Variants in RAPGEF1 observed in about 807,000 individuals in gnomAD.
RAPGEF1 encodes the protein CRK SH3-binding GNRP.
In RAPGEF1, 33 loss-of-function variants were observed where a neutral mutation model predicts 143.3. That is an observed-to-expected ratio of 0.23 (90% confidence interval 0.17 to 0.31). The LOEUF is 0.31. Ranked by LOEUF, RAPGEF1 falls within the 10% of genes least tolerant of loss-of-function variation. The pLI, the probability that RAPGEF1 is intolerant of heterozygous loss-of-function variation, is 1.00. For missense variants in RAPGEF1, 1,199 were observed against 1,645.4 expected, an observed-to-expected ratio of 0.73 and a Z score of 4.69; for synonymous variants, 629 against 676.5, an observed-to-expected ratio of 0.93 and a Z score of 1.09.
chr9:131,628,504 C>A lies in RAPGEF1; in HGVS notation c.1017+45G>T, dbSNP rs774603948. 1.9e-6 allele frequency: 3 copies of A among 1,600,324 alleles called. No individual in the cohort carries two copies. Among genetic ancestry groups the A allele is most frequent in the African/African-American group, 1.3e-5 (1 of 74,658 alleles). ...TCAGGAGCCACATCCCTGAGCCCCC[C>A]ACCCCCTCCCTGCCTTCCCATGCAG... is the stretch of plus-strand genomic sequence containing the variant. On this transcript the variant is annotated intron_variant, in intron 8 of 26. Transcript: ENST00000683357. This position sits in a 1 kb window ranked among gnomAD's most constrained non-coding sequence, Gnocchi z 5.7.
In RAPGEF1 at chr9:131,621,836, A is replaced by G. The variant is rs955462283; in HGVS notation, c.1865T>C (p.Leu622Pro). Residue 622 changes from leucine (L) to proline (P), a missense_variant, in exon 11 of 27, where the codon CTG becomes CCG. Transcript: ENST00000683357. This position sits in a 1 kb window ranked among gnomAD's most constrained non-coding sequence, Gnocchi z 4.5. Reference protein sequence around the residue: ...SFSGVDSVQELAPPPALPPKQ... With the variant: ...SFSGVDSVQEPAPPPALPPKQ... ...GGGGGGTAGGGCGGGCGGCGGGGCC[A>G]GCTCCTGCACGGAGTCCACCCCACT... 1.2e-6 allele frequency: 2 copies of G among 1,610,926 alleles called. No individual in the cohort carries two copies. Among genetic ancestry groups the G allele is most frequent in the Non-Finnish European group, 1.7e-6 (2 of 1,178,696 alleles).
chr9:131,672,812 AAG>A (rs540359236), intron 1 of RAPGEF1, among the ~76,000 whole-genome samples: 114 of 152,308 alleles, frequency 7.5e-4, no homozygotes, highest in African/African-American at 2.5e-3. Context: ...CGTGTAGGGT[AAG>A]AGGGGGTGAC....
intron 16 of RAPGEF1, 65 bp from the exon 17 acceptor site, chr9:131,596,438 A>G: frequency 6.6e-7 from 1 of 1,510,108 alleles, no homozygotes; most frequent in Non-Finnish European, 9.2e-7. Flanking sequence ...CAGTTTAGGA[A>G]GAAACAGGCA....
Position 131,598,326 on chromosome 9 carries a change from G to C in RAPGEF1, c.2502-16C>G. On this transcript the variant is annotated splice_polypyrimidine_tract_variant and intron_variant, in intron 15 of 26. Transcript: ENST00000683357. ...CTTTGGGGCCCTGCGGGGAGAAGTG[G>C]TTTGTGTTGCAAGTGTCAAACCGGC... 6.2e-7 allele frequency: 1 copy of C among 1,608,480 alleles called. No homozygotes were observed. The highest frequency in any genetic ancestry group is 8.5e-7 in the Non-Finnish European group (1 of 1,176,030).
intron 5 of RAPGEF1, among the ~76,000 whole-genome samples, chr9:131,632,739 C>T (rs946623446): frequency 1.3e-5 from 2 of 152,128 alleles, no homozygotes; most frequent in Non-Finnish European, 2.9e-5. Flanking sequence ...AGGTGATATG[C>T]TGGTTTATAT....
Position 131,628,580 on chromosome 9 carries a change from C to A in RAPGEF1, c.986G>T (p.Gly329Val). 1.2e-6 allele frequency: 2 copies of A among 1,613,098 alleles called. No homozygotes were observed. The highest frequency in any genetic ancestry group is 1.7e-6 in the Non-Finnish European group (2 of 1,179,100). ...VVAPMSRATSGSSLPVGINRQ... is the reference protein window; with the variant it reads ...VVAPMSRATSVSSLPVGINRQ... ...ATTGATTCCAACAGGCAAACTGGAGCCACTGGTGGCTCGGCTCATGGGGGC... is the reference window on the plus strand; with the variant it reads ...ATTGATTCCAACAGGCAAACTGGAGACACTGGTGGCTCGGCTCATGGGGGC... The change falls in exon 8 of 27, where the codon GGC becomes GTC. Residue 329 changes from glycine to valine, a missense_variant. Gly to Val is a moderately radical substitution (Grantham distance 109, BLOSUM62 -3). This residue lies in a region of RAPGEF1 where 613 missense variants were observed against 710.9 expected (regional missense o/e 0.86). Transcript: ENST00000683357. The surrounding 1 kb of genome is among the most constrained non-coding windows in gnomAD (Gnocchi z 5.7).
chr9:131,681,363 G>A (rs1832894411), intron 1 of RAPGEF1, among the ~76,000 whole-genome samples: 1 of 152,160 alleles, frequency 6.6e-6, no homozygotes, highest in Admixed American at 6.5e-5. Flanking sequence ...ACGAGGGAGT[G>A]ATTTAGAGGC....
chr9:131,667,049 G>C lies in RAPGEF1; in HGVS notation c.62-16100C>G, dbSNP rs1387792171. 2.6e-5 allele frequency among the ~76,000 whole-genome samples: 4 copies of C among 152,070 alleles called. No homozygotes were observed. Among genetic ancestry groups the C allele is most frequent in the Non-Finnish European group, 5.9e-5 (4 of 68,016 alleles). On this transcript the variant is annotated intron_variant, in intron 1 of 26. Transcript: ENST00000683357. This position sits in a 1 kb window ranked among gnomAD's most constrained non-coding sequence, Gnocchi z 4.6. ...TCTGTCACCCAGGCGGAGTGCAGTG[G>C]CACGAACTCGGCTCACTGCCATCTC... is the stretch of plus-strand genomic sequence containing the variant.
At chr9:131,661,933 C>G (rs540641775) in intron 1 of RAPGEF1, among the ~76,000 whole-genome samples, 11 of 152,272 alleles carry the variant, frequency 7.2e-5, no homozygotes, top group Non-Finnish European at 1.3e-4. Flanking sequence ...AATCTCTTCT[C>G]CCTTACTGTA....
At chr9:131,627,553 C>G (rs973987070) in intron 9 of RAPGEF1, among the ~76,000 whole-genome samples, 1 of 152,212 alleles carries the variant, frequency 6.6e-6, no homozygotes, top group Non-Finnish European at 1.5e-5. Flanking sequence ...GCTCCCTCCC[C>G]TTCAGCCTCT....
chr9:131,582,720 G>C lies in RAPGEF1; in HGVS notation c.3415-18C>G. Reference sequence around the variant, plus strand: ...GCCAGGCCCTGGCAGGACAGGACAGGACAGGACCGGACAGGGGTGAGCGAG... The same window carrying C: ...GCCAGGCCCTGGCAGGACAGGACAGCACAGGACCGGACAGGGGTGAGCGAG... On this transcript the variant is annotated intron_variant, in intron 24 of 26. Coordinates refer to ENST00000683357, the MANE Select transcript of RAPGEF1 (RefSeq NM_001377935.1). The C allele has an allele frequency of 6.4e-7, 1 of 1,551,328 alleles. No homozygotes were observed. Among genetic ancestry groups the C allele is most frequent in the Non-Finnish European group, 8.7e-7 (1 of 1,151,246 alleles).
intron 3 of RAPGEF1, among the ~76,000 whole-genome samples, chr9:131,648,561 C>T (rs543187774): frequency 2.5e-4 from 38 of 152,326 alleles, no homozygotes; most frequent in African/African-American, 9.1e-4. Context: ...CAATTACACT[C>T]TACTTGTAGT....
chr9:131,686,357 A>G (rs977301557), intron 1 of RAPGEF1, among the ~76,000 whole-genome samples: 10 of 152,228 alleles, frequency 6.6e-5, no homozygotes, highest in Admixed American at 5.2e-4. Flanking sequence ...TTCTGTTCCA[A>G]TGCTGAAGAC....
rs536383127 is a variant in RAPGEF1 at position 131,588,706 on chromosome 9, C to T, written c.3053+95G>A. 7.6e-4 allele frequency: 1,007 copies of T among 1,322,550 alleles called. 2 individuals are homozygous for T. Among genetic ancestry groups the T allele is most frequent in the Non-Finnish European group, 9.6e-4 (938 of 977,324 alleles). 81.9% of individuals were successfully genotyped at this position (1,322,550 alleles called of 1,614,324 possible). On this transcript the variant is annotated intron_variant, in intron 20 of 26. Transcript: ENST00000683357. ...CCTCATCAAAGGGCCTGTGCAGAAC[C>T]AGGATGGGGCTGTGGGGCTGGCAGG...
intron 1 of RAPGEF1, among the ~76,000 whole-genome samples, chr9:131,730,102 G>A (rs1367297770): frequency 1.4e-5 from 2 of 147,952 alleles, no homozygotes; most frequent in African/African-American, 5.0e-5. Context: ...GCTGAGGCAG[G>A]AGAATGGCGT....
intron 1 of RAPGEF1, among the ~76,000 whole-genome samples, chr9:131,670,083 C>A (rs919859727): frequency 2.6e-5 from 4 of 152,174 alleles, no homozygotes; most frequent in Non-Finnish European, 5.9e-5. Context: ...TGTCTTCATG[C>A]CACAGACAGG....
intron 1 of RAPGEF1, among the ~76,000 whole-genome samples, chr9:131,674,832 G>A (rs950442420): frequency 6.6e-6 from 1 of 152,284 alleles, no homozygotes; most frequent in African/African-American, 2.4e-5. Flanking sequence ...CTGTGGAGGC[G>A]CGGGGAGGGC....
At chr9:131,693,678 C>T (rs1833935065) in intron 1 of RAPGEF1, among the ~76,000 whole-genome samples, 1 of 152,162 alleles carries the variant, frequency 6.6e-6, no homozygotes, top group Non-Finnish European at 1.5e-5. Context: ...TCTGGAATCA[C>T]AAGTAAAAGC....
chr9:131,614,545 AAG>A (rs1491264927), intron 12 of RAPGEF1, among the ~76,000 whole-genome samples: 3 of 152,186 alleles, frequency 2.0e-5, no homozygotes, highest in Non-Finnish European at 4.4e-5. Context: ...GAAGGAGAGA[AAG>A]AGTGAGTGAG....
Sources: gnomAD v4.1 joint callset for allele counts (sites outside exome capture counted in the v4.1 genomes callset) on GRCh38, gnomAD v4.1.1 for gene constraint, gnomAD v4.1.1 regional missense constraint, Gnocchi (gnomAD v3.1) non-coding constraint, MANE v1.5 for transcripts, NCBI Gene and HGNC (gene_info 2026-07-23, HGNC 2026-07-21) for gene names.